Variants in EIF2B3 observed in about 807,000 individuals in gnomAD.
EIF2B3 encodes the protein eukaryotic translation initiation factor 2B subunit gamma.
EIF2B3 carries 20 observed loss-of-function variants against 54.1 expected under a neutral mutation model. That is an observed-to-expected ratio of 0.37 (90% CI 0.26 to 0.54). The LOEUF (loss-of-function observed/expected upper bound fraction) is 0.54, where lower values mean the gene tolerates loss of function less well. Among genes scored for constraint, EIF2B3 ranks in the 20% least tolerant of loss-of-function variants. The pLI is 0.86. For missense variants in EIF2B3, 448 were observed against 547.8 expected, an observed-to-expected ratio of 0.82 and a Z score of 1.82; for synonymous variants, 153 against 188.1, an observed-to-expected ratio of 0.81 and a Z score of 1.52.
chr1:44,918,255 T>C (rs1643668303), intron 5 of EIF2B3, among the ~76,000 whole-genome samples: 1 of 151,188 alleles, frequency 6.6e-6, no homozygotes, highest in South Asian at 2.1e-4. Flanking sequence ...AAATAATTTT[T>C]CTAATTTTAG....
chr1:44,898,460 A>G (rs11211052), intron 5 of EIF2B3, among the ~76,000 whole-genome samples: 34,279 of 152,186 alleles, frequency 0.23, 4,516 homozygotes, highest in African/African-American at 0.37. Context: ...TCCAATAAAT[A>G]GTTGTTGAAT....
chr1:44,934,804 C>T (rs1304011074), intron 4 of EIF2B3, among the ~76,000 whole-genome samples: 1 of 152,038 alleles, frequency 6.6e-6, no homozygotes, highest in Non-Finnish European at 1.5e-5. Context: ...ACGCCTGGCC[C>T]ACTTTATTTT....
chr1:44,862,295 C>T (rs1184185339), intron 10 of EIF2B3, among the ~76,000 whole-genome samples: 2 of 152,212 alleles, frequency 1.3e-5, no homozygotes, highest in Non-Finnish European at 2.9e-5. Flanking sequence ...ACTTGGTCCT[C>T]ATTTCTCCTT....
chr1:44,868,397 C>CAAAA (rs34094245), intron 10 of EIF2B3, among the ~76,000 whole-genome samples: 791 of 63,406 alleles, frequency 0.012, no homozygotes, highest in Non-Finnish European at 0.017. Context: ...GACTCCGTCT[C>CAAAA]AAAAAAAAAA....
rs72885281 is a variant in EIF2B3, at chr1:44,966,472, T to C, written c.294+11843A>G. The stretch of plus-strand genomic sequence containing the variant: ...AAAAAAAAAAGAAGAAGAAGAAGCC[T>C]GGCACTAAATAGAAATTGCCAGGAG... On this transcript the variant is annotated intron_variant, in intron 3 of 11. Coordinates refer to ENST00000360403, the MANE Select transcript of EIF2B3 (RefSeq NM_020365.5). 6.9e-3 allele frequency among the ~76,000 whole-genome samples: 1,024 copies of C among 148,718 alleles called. 13 individuals carry two copies. Among genetic ancestry groups the C allele is most frequent in the African/African-American group, 0.024 (980 of 40,588 alleles).
intron 3 of EIF2B3, among the ~76,000 whole-genome samples, chr1:44,950,201 C>A (rs1366983018): frequency 1.3e-5 from 2 of 152,156 alleles, no homozygotes; most frequent in Non-Finnish European, 2.9e-5. Context: ...GGTGGGAGAA[C>A]TGTTTGAGGC....
chr1:44,866,290 C>T (rs908071380), intron 10 of EIF2B3, among the ~76,000 whole-genome samples: 8 of 150,816 alleles, frequency 5.3e-5, no homozygotes, highest in East Asian at 4.0e-4. Context: ...CCCAGCTACT[C>T]GGGAGGCTGA....
intron 3 of EIF2B3, among the ~76,000 whole-genome samples, chr1:44,942,512 C>T (rs1416536820): frequency 7.0e-6 from 1 of 142,306 alleles, no homozygotes; most frequent in Non-Finnish European, 1.5e-5. Context: ...ACTGCAGCCT[C>T]GACCTGCCAG....
At chr1:44,943,370 ATCT>A (rs1160522999) in intron 3 of EIF2B3, among the ~76,000 whole-genome samples, 2 of 37,196 alleles carry the variant, frequency 5.4e-5, no homozygotes, top group Non-Finnish European at 1.2e-4. Context: ...AGGAAGAACT[ATCT>A]ATATCTATAT....
intron 7 of EIF2B3, among the ~76,000 whole-genome samples, chr1:44,880,934 C>T (rs930554170): frequency 1.4e-4 from 21 of 151,560 alleles, no homozygotes; most frequent in African/African-American, 4.4e-4. Context: ...GCCCTCCAGC[C>T]TGGGCGACAG....
chr1:44,970,687 T>C (rs1015497429), intron 3 of EIF2B3, among the ~76,000 whole-genome samples: 18 of 152,230 alleles, frequency 1.2e-4, no homozygotes, highest in Admixed American at 2.6e-4. Context: ...TTTCTTCAAC[T>C]GTTTATACGC....
intron 5 of EIF2B3, among the ~76,000 whole-genome samples, chr1:44,920,638 C>T (rs1196173071): frequency 6.6e-6 from 1 of 152,156 alleles, no homozygotes; most frequent in African/African-American, 2.4e-5. Context: ...TGAAAACATG[C>T]AGTTTGTCTT....
intron 3 of EIF2B3, among the ~76,000 whole-genome samples, chr1:44,975,146 G>T (rs1461510775): frequency 6.6e-6 from 1 of 152,090 alleles, no homozygotes; most frequent in Non-Finnish European, 1.5e-5. Flanking sequence ...AGCCCAGGAG[G>T]TTGAGGCTGC....
Position 44,984,797 on chromosome 1 carries a change from C to CTTTTTTTTTTTTTTTTTTTTT in EIF2B3, c.-10+1695_-10+1696insAAAAAAAAAAAAAAAAAAAAA, listed in dbSNP as rs71040529. Among the ~76,000 whole-genome samples the CTTTTTTTTTTTTTTTTTTTTT allele has an allele frequency of 1.4e-4, 12 of 88,534 alleles. 1 individual carries two copies. Among genetic ancestry groups the CTTTTTTTTTTTTTTTTTTTTT allele is most frequent in the African/African-American group, 4.3e-4 (8 of 18,586 alleles). 58.1% of individuals were successfully genotyped at this position (88,534 alleles called of 152,430 possible). ...GTAAAGCAGACAAAATAATGTCCAT[C>CTTTTTTTTTTTTTTTTTTTTT]TTTTTTTTTTTTTTTTTTTTGAGAC... On this transcript the variant is annotated intron_variant, in intron 1 of 11. Coordinates refer to ENST00000360403, the MANE Select transcript of EIF2B3 (RefSeq NM_020365.5).
At chr1:44,962,147 G>A (rs1644290997) in intron 3 of EIF2B3, among the ~76,000 whole-genome samples, 1 of 151,986 alleles carries the variant, frequency 6.6e-6, no homozygotes. Flanking sequence ...AGCTGAGACT[G>A]CGCCACTGCA....
intron 5 of EIF2B3, among the ~76,000 whole-genome samples, chr1:44,925,802 TAGTCCC>T (rs1456907529): frequency 6.6e-6 from 1 of 152,010 alleles, no homozygotes; most frequent in African/African-American, 2.4e-5. Flanking sequence ...CACATGCCTG[TAGTCCC>T]AGCTGCTTGG....
At chr1:44,935,047 CAT>C (rs756045548) in intron 4 of EIF2B3, among the ~76,000 whole-genome samples, 3 of 152,224 alleles carry the variant, frequency 2.0e-5, no homozygotes, top group Non-Finnish European at 2.9e-5. Flanking sequence ...AGTACATTAA[CAT>C]GTACTGATTC....
chr1:44,966,705 T>C (rs1644344783), intron 3 of EIF2B3, among the ~76,000 whole-genome samples: 1 of 151,966 alleles, frequency 6.6e-6, no homozygotes, highest in African/African-American at 2.4e-5. Context: ...AGAAAACAAT[T>C]ACAGTCAAAT....
chr1:44,907,374 A>G (rs1199212412), intron 5 of EIF2B3, among the ~76,000 whole-genome samples: 3 of 151,762 alleles, frequency 2.0e-5, no homozygotes. Context: ...CCTGGCCAAC[A>G]TGGTGAAACC....
Sources: allele counts gnomAD v4.1 joint callset (sites outside exome capture counted in the v4.1 genomes callset), GRCh38; gene constraint gnomAD v4.1.1; transcripts MANE v1.5; gene names NCBI Gene and HGNC (gene_info 2026-07-23, HGNC 2026-07-21).